Variants in CAMTA1 observed in about 807,000 individuals in gnomAD.
The protein encoded by CAMTA1 is calmodulin binding transcription activator 1.
A neutral mutation model predicts 170.9 loss-of-function variants in CAMTA1; 27 were observed. The ratio of observed to expected loss-of-function variants is 0.16; its 90% CI spans 0.12 to 0.22. The LOEUF (loss-of-function observed/expected upper bound fraction) is 0.22, where lower values mean the gene tolerates loss of function less well. Ranked by LOEUF, CAMTA1 falls within the 10% of genes least tolerant of loss-of-function variation. CAMTA1 has a pLI of 1.00. For synonymous variants in CAMTA1, 833 were observed against 891.5 expected (o/e 0.93, Z 1.17); for missense variants, 1,619 against 2,217.2 (o/e 0.73, Z 5.42).
In CAMTA1 at chr1:6,887,561, C is replaced by T; in HGVS notation, c.234+62351C>T. The T allele has an allele frequency of 2.0e-6, 3 of 1,513,510 alleles. No homozygotes were observed. The highest frequency in any genetic ancestry group is 2.0e-5 in the Admixed American group (1 of 49,116). 93.8% of individuals were successfully genotyped at this position (1,513,510 alleles called of 1,614,324 possible). On this transcript the variant is annotated intron_variant, in intron 3 of 22. Coordinates refer to ENST00000303635, the MANE Select transcript of CAMTA1 (RefSeq NM_015215.4). The surrounding 1 kb of genome is among the most constrained non-coding windows in gnomAD (Gnocchi z 4.1). ...TGCCTTTACCCAGATGTCTCCTCCT[C>T]TCTCTGCCTCTGGAAATGGGGCAAA...
intron 4 of CAMTA1, among the ~76,000 whole-genome samples, chr1:7,240,518 CTTTT>C (rs759906051): frequency 8.0e-6 from 1 of 125,678 alleles, no homozygotes; most frequent in Non-Finnish European, 1.7e-5. Flanking sequence ...GTTCCAGAGT[CTTTT>C]TTTTTTTTTT....
chr1:7,497,465 A>G (rs189103332), intron 6 of CAMTA1, among the ~76,000 whole-genome samples: 1 of 152,350 alleles, frequency 6.6e-6, no homozygotes, highest in Non-Finnish European at 1.5e-5. Flanking sequence ...CATCTAGAGA[A>G]CAGGAATGAC....
At chr1:7,318,531 T>C (rs1677885787) in intron 5 of CAMTA1, among the ~76,000 whole-genome samples, 1 of 152,186 alleles carries the variant, frequency 6.6e-6, no homozygotes, top group Admixed American at 6.5e-5. Flanking sequence ...ATTTTTCGCC[T>C]CCATCTTGGT....
intron 4 of CAMTA1, among the ~76,000 whole-genome samples, chr1:7,147,192 G>A (rs1320769765): frequency 4.6e-5 from 7 of 151,904 alleles, no homozygotes; most frequent in African/African-American, 1.5e-4. Flanking sequence ...AGGCCGAGGT[G>A]GGCAGATCAC....
intron 3 of CAMTA1, among the ~76,000 whole-genome samples, chr1:6,856,120 G>A (rs539467107): frequency 6.6e-6 from 1 of 152,254 alleles, no homozygotes; most frequent in Admixed American, 6.5e-5. Flanking sequence ...CTGCTGTTGT[G>A]TGCTGTAGTC....
intron 3 of CAMTA1, among the ~76,000 whole-genome samples, chr1:6,863,564 C>T (rs1269513705): frequency 2.0e-5 from 3 of 152,228 alleles, no homozygotes; most frequent in Non-Finnish European, 4.4e-5. Flanking sequence ...CGTCCCCTTC[C>T]GTGTTCTCAG....
At chr1:7,316,486 C>T (rs150133379) in intron 5 of CAMTA1, among the ~76,000 whole-genome samples, 3 of 152,302 alleles carry the variant, frequency 2.0e-5, no homozygotes, top group South Asian at 2.1e-4. Flanking sequence ...GAATGCTTGA[C>T]GCACGGTAAG....
chr1:7,265,356 G>A (rs907782739), intron 5 of CAMTA1, among the ~76,000 whole-genome samples: 8 of 151,564 alleles, frequency 5.3e-5, no homozygotes, highest in South Asian at 2.1e-4. Context: ...CTCTGTCTCC[G>A]AGGTTAGAAT....
At chr1:6,945,723 C>G (rs576077306) in intron 3 of CAMTA1, among the ~76,000 whole-genome samples, 2 of 152,272 alleles carry the variant, frequency 1.3e-5, no homozygotes, top group African/African-American at 4.8e-5. Context: ...TTTGCCTATT[C>G]TGGACATTTT....
chr1:6,827,475 G>A (rs1036063488), intron 3 of CAMTA1, among the ~76,000 whole-genome samples: 15 of 151,396 alleles, frequency 9.9e-5, no homozygotes, highest in African/African-American at 2.4e-4. Context: ...GTGTGACAGC[G>A]AAGACTTACC....
intron 4 of CAMTA1, among the ~76,000 whole-genome samples, chr1:7,157,833 G>A (rs1368133307): frequency 6.6e-6 from 1 of 152,094 alleles, no homozygotes. Flanking sequence ...AGGTATTTTT[G>A]TACAACAGAA....
chr1:7,601,119 C>G (rs1171687953), intron 6 of CAMTA1, among the ~76,000 whole-genome samples: 2 of 150,458 alleles, frequency 1.3e-5, no homozygotes, highest in African/African-American at 2.5e-5. Flanking sequence ...GGGCTGACCC[C>G]CCCACCTCCC....
At chr1:7,423,762 C>T (rs556875618) in intron 5 of CAMTA1, among the ~76,000 whole-genome samples, 3 of 152,210 alleles carry the variant, frequency 2.0e-5, no homozygotes, top group African/African-American at 7.2e-5. Flanking sequence ...AGGAGGATGT[C>T]GTATGGCCGA....
Position 7,014,254 on chromosome 1 carries a change from C to T in CAMTA1, c.235-77050C>T, listed in dbSNP as rs1700223180. 6.6e-6 allele frequency: 1 copy of T among 152,236 alleles called. No individual in the cohort carries two copies. Among genetic ancestry groups the T allele is most frequent in the African/African-American group, 2.4e-5 (1 of 41,456 alleles). 9.4% of individuals were successfully genotyped at this position (152,236 alleles called of 1,614,324 possible). A position where few individuals can be genotyped will look rare whatever the true frequency, so the allele number is the denominator to read the frequency against. On this transcript the variant is annotated intron_variant, in intron 3 of 22. Transcript: ENST00000303635. This position sits in a 1 kb window ranked among gnomAD's most constrained non-coding sequence, Gnocchi z 4.2. Reference sequence around the variant, plus strand: ...CAGAGGCAGGCCGGTCTCTTACCTGCTCGATGTCTGCACATAGGGAAACCT... The same window carrying T: ...CAGAGGCAGGCCGGTCTCTTACCTGTTCGATGTCTGCACATAGGGAAACCT...
intron 4 of CAMTA1, among the ~76,000 whole-genome samples, chr1:7,199,582 A>G (rs1395792228): frequency 6.6e-6 from 1 of 151,850 alleles, no homozygotes; most frequent in Non-Finnish European, 1.5e-5. Context: ...CTTCCCTCCC[A>G]CCCAAGGCAG....
intron 3 of CAMTA1, among the ~76,000 whole-genome samples, chr1:6,891,137 C>T (rs1022437355): frequency 4.6e-5 from 7 of 152,126 alleles, no homozygotes; most frequent in African/African-American, 1.7e-4. Context: ...GGCAAGCCTC[C>T]CCACCTTGAT....
chr1:6,977,604 T>C (rs1355034269), intron 3 of CAMTA1, among the ~76,000 whole-genome samples: 1 of 152,226 alleles, frequency 6.6e-6, no homozygotes, highest in Non-Finnish European at 1.5e-5. Flanking sequence ...CCTCCCAAAG[T>C]GCTGGGATTA....
At chr1:7,297,474 T>A (rs932109549) in intron 5 of CAMTA1, among the ~76,000 whole-genome samples, 1 of 152,236 alleles carries the variant, frequency 6.6e-6, no homozygotes, top group Non-Finnish European at 1.5e-5. Context: ...TTGGCCAGAA[T>A]TCAAAGCTCT....
intron 6 of CAMTA1, among the ~76,000 whole-genome samples, chr1:7,538,851 C>T (rs959234686): frequency 6.6e-6 from 1 of 152,192 alleles, no homozygotes; most frequent in Non-Finnish European, 1.5e-5. Context: ...GGTGAACCCA[C>T]CTTTCTACTT....
Sources: allele counts gnomAD v4.1 joint callset (sites outside exome capture counted in the v4.1 genomes callset), GRCh38; gene constraint gnomAD v4.1.1; non-coding constraint Gnocchi (gnomAD v3.1); transcripts MANE v1.5; gene names NCBI Gene and HGNC (gene_info 2026-07-23, HGNC 2026-07-21).